The following ABLIM1 variants were observed in gnomAD, a reference collection of about 807,000 sequenced individuals.
ABLIM1 encodes actin-binding LIM protein 1.
A neutral mutation model predicts 107.0 loss-of-function variants in ABLIM1; 40 were observed. That is an observed-to-expected ratio of 0.37 (90% confidence interval 0.29 to 0.49). The LOEUF (loss-of-function observed/expected upper bound fraction) is 0.49. Among genes scored for constraint, ABLIM1 ranks in the 20% least tolerant of loss-of-function variants. ABLIM1 has a pLI of 0.97. For missense variants in ABLIM1, 857 were observed against 1,008.5 expected, an observed-to-expected ratio of 0.85 and a Z score of 2.04; for synonymous variants, 357 against 357.3, an observed-to-expected ratio of 1.00 and a Z score of 0.01.
intron 4 of ABLIM1, among the ~76,000 whole-genome samples, chr10:114,550,863 G>A (rs969366767): frequency 6.6e-6 from 1 of 152,120 alleles, no homozygotes; most frequent in Non-Finnish European, 1.5e-5. Flanking sequence ...CTAGGTGGCA[G>A]CAAAGATTTT....
intron 1 of ABLIM1, among the ~76,000 whole-genome samples, chr10:114,673,798 G>C (rs994293288): frequency 6.6e-6 from 1 of 152,180 alleles, no homozygotes; most frequent in Non-Finnish European, 1.5e-5. Flanking sequence ...ATTTGGACAC[G>C]ATGACGGGCT....
chr10:114,635,655 G>C (rs1174985231), intron 1 of ABLIM1, among the ~76,000 whole-genome samples: 1 of 152,234 alleles, frequency 6.6e-6, no homozygotes, highest in African/African-American at 2.4e-5. Context: ...CTCCCGAGTA[G>C]CTGGGATTGC....
At chr10:114,705,842 A>T (rs534024578) in intron 1 of ABLIM1, among the ~76,000 whole-genome samples, 1 of 152,226 alleles carries the variant, frequency 6.6e-6, no homozygotes, top group Non-Finnish European at 1.5e-5. Context: ...ATCTTGTTTT[A>T]TGTGGAGAAG....
In ABLIM1 at chr10:114,711,031, T is replaced by C. The variant is rs370525063; in HGVS notation, c.-213+57030A>G. On this transcript the variant is annotated intron_variant, in intron 1 of 15. Coordinates refer to the ABLIM1 transcript ENST00000651092. The stretch of plus-strand genomic sequence containing the variant: ...ATGTGGGCCTAAGAAGGCCACTCCA[T>C]GACTAGGACAATGTTCAGGATATTC... 2.0e-5 allele frequency among the ~76,000 whole-genome samples: 3 copies of C among 152,348 alleles called. No homozygotes were observed. The East Asian group carries it at 5.8e-4, about 29-fold the overall frequency.
chr10:114,711,484 G>A (rs1310937134), intron 1 of ABLIM1, among the ~76,000 whole-genome samples: 2 of 152,180 alleles, frequency 1.3e-5, no homozygotes, highest in Non-Finnish European at 2.9e-5. Context: ...TCTAACACCA[G>A]GCGTGCCAGC....
At chr10:114,765,006 G>C in intron 1 of ABLIM1, 1 of 152,456 alleles carries the variant, frequency 6.6e-6, no homozygotes, top group Middle Eastern at 3.3e-3. Context: ...AGCAGCCCCA[G>C]CCCCTGTCTC....
At chr10:114,671,329 C>A (rs1324523204) in intron 1 of ABLIM1, among the ~76,000 whole-genome samples, 1 of 152,132 alleles carries the variant, frequency 6.6e-6, no homozygotes. Flanking sequence ...ATTCATTTGT[C>A]CATTCTCCTG....
chr10:114,466,293 G>A (rs567052844), intron 11 of ABLIM1, among the ~76,000 whole-genome samples: 1 of 152,238 alleles, frequency 6.6e-6, no homozygotes, highest in South Asian at 2.1e-4. Flanking sequence ...CTGGACGACA[G>A]AGTGAGACAC....
chr10:114,489,296 C>T lies in ABLIM1; in HGVS notation c.983-1280G>A, dbSNP rs183336455. On this transcript the variant is annotated intron_variant, in intron 7 of 22. Transcript: ENST00000533213. ...CCTACCAAAGTGTTGAGATTACAGGCGTGAGCCACCACACCTGGCCAAAAT... is the reference window on the plus strand; with the variant it reads ...CCTACCAAAGTGTTGAGATTACAGGTGTGAGCCACCACACCTGGCCAAAAT... Among the ~76,000 whole-genome samples the T allele has an allele frequency of 3.0e-3, 452 of 152,268 alleles. 3 individuals carry two copies. Among genetic ancestry groups the T allele is most frequent in the African/African-American group, 0.01 (435 of 41,548 alleles).
intron 1 of ABLIM1, among the ~76,000 whole-genome samples, chr10:114,641,491 T>G (rs1337849211): frequency 6.6e-6 from 1 of 152,136 alleles, no homozygotes; most frequent in East Asian, 1.9e-4. Context: ...ACTACATGAG[T>G]AATGTATACA....
chr10:114,795,597 C>T, the ABLIM1 span, among the ~76,000 whole-genome samples: 116 of 151,950 alleles, frequency 7.6e-4, 2 homozygotes, highest in African/African-American at 2.8e-3. Context: ...TAGTATCAGC[C>T]ACTTGGGAGG....
At chr10:114,726,858 G>A (rs1180500304) in intron 1 of ABLIM1, among the ~76,000 whole-genome samples, 1 of 152,098 alleles carries the variant, frequency 6.6e-6, no homozygotes, top group Non-Finnish European at 1.5e-5. Flanking sequence ...CCATGATCCA[G>A]TCACCTCCCA....
At chr10:114,483,013 A>C (rs1003762707) in intron 8 of ABLIM1, among the ~76,000 whole-genome samples, 5 of 152,152 alleles carry the variant, frequency 3.3e-5, no homozygotes, top group African/African-American at 1.2e-4. Context: ...TCTGAGCAAC[A>C]CTCATTTAAA....
At chr10:114,498,279 C>T (rs980362083) in intron 6 of ABLIM1, among the ~76,000 whole-genome samples, 1 of 152,182 alleles carries the variant, frequency 6.6e-6, no homozygotes, top group Non-Finnish European at 1.5e-5. Flanking sequence ...ATCCCATACC[C>T]TCTACAAGCT....
At chr10:114,583,462 C>CAAATATAT in intron 2 of ABLIM1, among the ~76,000 whole-genome samples, 1 of 9,094 alleles carries the variant, frequency 1.1e-4, no homozygotes, top group African/African-American at 3.6e-4. Context: ...CACACACACA[C>CAAATATAT]ACACACATAT....
intron 2 of ABLIM1, among the ~76,000 whole-genome samples, chr10:114,586,326 G>A (rs993702241): frequency 7.2e-5 from 11 of 152,164 alleles, no homozygotes; most frequent in African/African-American, 2.4e-4. Flanking sequence ...ATACTAAGAA[G>A]GCCCTGATTA....
intron 4 of ABLIM1, among the ~76,000 whole-genome samples, chr10:114,562,330 C>T (rs1224379753): frequency 6.6e-6 from 1 of 152,146 alleles, no homozygotes; most frequent in African/African-American, 2.4e-5. Flanking sequence ...GAGATCGAGA[C>T]CATCCTGGCT....
intron 4 of ABLIM1, among the ~76,000 whole-genome samples, chr10:114,552,993 G>C (rs2068260011): frequency 6.6e-6 from 1 of 152,198 alleles, no homozygotes; most frequent in Middle Eastern, 3.2e-3. Context: ...AAAGACCACT[G>C]TTAGGGGATA....
the ABLIM1 span, among the ~76,000 whole-genome samples, chr10:114,793,145 C>G: frequency 6.6e-6 from 1 of 152,002 alleles, no homozygotes; most frequent in East Asian, 1.9e-4. Context: ...GAGTGAGACA[C>G]CATCTCAAAA....
Sources: gnomAD v4.1 joint callset for allele counts (sites outside exome capture counted in the v4.1 genomes callset) on GRCh38, gnomAD v4.1.1 for gene constraint, MANE v1.5 for transcripts, NCBI Gene and HGNC (gene_info 2026-07-23, HGNC 2026-07-21) for gene names.